RIMS2: variants seen among roughly 807,000 people sequenced by gnomAD.
RIMS2 encodes regulating synaptic membrane exocytosis 2, also known as regulating synaptic membrane exocytosis protein 2.
Under a neutral mutation model 174.4 loss-of-function variants are expected in RIMS2, and 59 were observed. The ratio of observed to expected loss-of-function variants is 0.34; its 90% CI spans 0.27 to 0.42. The LOEUF is 0.42. Ranked by LOEUF, RIMS2 falls within the 10% of genes least tolerant of loss-of-function variation. RIMS2 has a pLI of 1.00. For missense variants in RIMS2, 1,620 were observed against 1,666.3 expected, an observed-to-expected ratio of 0.97 and a Z score of 0.48; for synonymous variants, 606 against 572.5, an observed-to-expected ratio of 1.06 and a Z score of -0.84.
At chr8:104,217,934 T>A (rs934243388) in intron 19 of RIMS2, among the ~76,000 whole-genome samples, 5 of 152,158 alleles carry the variant, frequency 3.3e-5, no homozygotes, top group African/African-American at 9.7e-5. Context: ...TAATTTAGGA[T>A]CCTGAGGGTT....
intron 19 of RIMS2, among the ~76,000 whole-genome samples, chr8:104,174,229 G>A (rs993852572): frequency 6.6e-6 from 1 of 152,118 alleles, no homozygotes; most frequent in African/African-American, 2.4e-5. Context: ...TTACAGGCGT[G>A]AGCCGCTGCA....
intron 3 of RIMS2, among the ~76,000 whole-genome samples, chr8:103,821,657 G>A (rs927224993): frequency 1.9e-4 from 29 of 151,452 alleles, no homozygotes; most frequent in Admixed American, 1.9e-3. Context: ...GTTATTTTTT[G>A]TGTTCACTTT....
intron 1 of RIMS2, among the ~76,000 whole-genome samples, chr8:103,628,095 G>A (rs1589310333): frequency 6.6e-6 from 1 of 151,964 alleles, no homozygotes; most frequent in South Asian, 2.1e-4. Flanking sequence ...TAGCAAATTA[G>A]GTACTTTATA....
At chr8:104,146,436 T>C (rs2098640606) in intron 19 of RIMS2, among the ~76,000 whole-genome samples, 1 of 152,034 alleles carries the variant, frequency 6.6e-6, no homozygotes, top group African/African-American at 2.4e-5. Context: ...TTTATTAAAG[T>C]TGTTAGGTTG....
chr8:104,189,325 A>G (rs769623571), intron 19 of RIMS2, among the ~76,000 whole-genome samples: 17 of 151,902 alleles, frequency 1.1e-4, no homozygotes, highest in Non-Finnish European at 2.1e-4. Flanking sequence ...CTACAAACAC[A>G]GGTCTCTGAT....
At chr8:103,612,982 C>G (rs923894346) in intron 1 of RIMS2, among the ~76,000 whole-genome samples, 2 of 152,178 alleles carry the variant, frequency 1.3e-5, no homozygotes, top group South Asian at 2.1e-4. Context: ...GCTACGACCA[C>G]TGATACTGCT....
At chr8:104,196,918 AT>A (rs1244579019) in intron 19 of RIMS2, among the ~76,000 whole-genome samples, 3 of 152,156 alleles carry the variant, frequency 2.0e-5, no homozygotes, top group African/African-American at 7.2e-5. Context: ...CTTACATTTA[AT>A]TTACTTAGTT....
At chr8:103,894,803 A>G (rs1175057854) in intron 4 of RIMS2, among the ~76,000 whole-genome samples, 1 of 151,590 alleles carries the variant, frequency 6.6e-6, no homozygotes, top group African/African-American at 2.4e-5. Flanking sequence ...AGACCTACAT[A>G]ATAGCTTCAA....
chr8:103,813,614 C>T (rs1455646910), intron 3 of RIMS2, among the ~76,000 whole-genome samples: 2 of 152,094 alleles, frequency 1.3e-5, no homozygotes, highest in African/African-American at 2.4e-5. Flanking sequence ...CAAGTGCTCT[C>T]GTTGTTCAAG....
chr8:103,662,247 T>G (rs1362556254), intron 1 of RIMS2, among the ~76,000 whole-genome samples: 1 of 152,218 alleles, frequency 6.6e-6, no homozygotes, highest in Non-Finnish European at 1.5e-5. Context: ...GTGTAAGCTA[T>G]GTGCCTCTTA....
chr8:104,214,935 T>C (rs2099123233), intron 19 of RIMS2, among the ~76,000 whole-genome samples: 1 of 152,218 alleles, frequency 6.6e-6, no homozygotes, highest in Admixed American at 6.5e-5. Context: ...CTGTATAACA[T>C]GAATGTTTTC....
chr8:104,016,986 C>G (rs1349932872), intron 19 of RIMS2, among the ~76,000 whole-genome samples: 1 of 151,760 alleles, frequency 6.6e-6, no homozygotes, highest in Non-Finnish European at 1.5e-5. Context: ...TTTCATAAAA[C>G]AAAGAGGAGC....
downstream of RIMS2, chr8:104,252,197 G>C: frequency 4.3e-6 from 1 of 230,916 alleles, no homozygotes; most frequent in Non-Finnish European, 8.6e-6. Context: ...GCCCTGATAT[G>C]CCACAGAAAT....
At position 103,573,066 on chromosome 8, in the gene RIMS2, A is replaced by T. The variant is rs545455314; in HGVS notation, c.176+72004A>T. On this transcript the variant is annotated intron_variant, in intron 1 of 23. Coordinates refer to ENST00000504942, the Ensembl canonical transcript of RIMS2. ...CCCCTACATTTAAGTCTTCAATCCA[A>T]TTTTTTTTTTCTAGATAGAGTCTCG... Among the ~76,000 whole-genome samples the T allele has an allele frequency of 1.8e-3, 262 of 149,606 alleles. 1 individual carries two copies. Among genetic ancestry groups the T allele is most frequent in the African/African-American group, 6.1e-3 (251 of 40,820 alleles).
intron 19 of RIMS2, among the ~76,000 whole-genome samples, chr8:104,164,078 C>T (rs1287632854): frequency 2.0e-5 from 3 of 152,144 alleles, no homozygotes; most frequent in African/African-American, 7.2e-5. Context: ...AGCGGCCACC[C>T]ACCTTTATCA....
chr8:103,628,617 G>T (rs28494061), intron 1 of RIMS2, among the ~76,000 whole-genome samples: 27,616 of 151,626 alleles, frequency 0.18, 2,765 homozygotes, highest in African/African-American at 0.26. Context: ...GCGTCCCATG[G>T]CTTGGACTCC....
chr8:103,716,251 CT>C (rs1226537053), intron 2 of RIMS2, 57 bp from the exon 5 acceptor site: 1 of 151,798 alleles, frequency 6.6e-6, no homozygotes, highest in Admixed American at 6.6e-5. Flanking sequence ...TTAATTATTT[CT>C]TTTTTGTTTT....
At chr8:103,970,397 G>A (rs1401860398) in intron 15 of RIMS2, among the ~76,000 whole-genome samples, 1 of 152,178 alleles carries the variant, frequency 6.6e-6, no homozygotes, top group Non-Finnish European at 1.5e-5. Context: ...GGAAAGTCTT[G>A]TTAAGAAAAG....
chr8:103,811,357 A>G (rs531955935), intron 3 of RIMS2, among the ~76,000 whole-genome samples: 2 of 152,286 alleles, frequency 1.3e-5, no homozygotes, highest in East Asian at 3.9e-4. Flanking sequence ...GTGGAGCTTA[A>G]ATCTAGGTTT....
Sources: allele counts gnomAD v4.1 joint callset (sites outside exome capture counted in the v4.1 genomes callset), GRCh38; gene constraint gnomAD v4.1.1; transcripts MANE v1.5; gene names NCBI Gene and HGNC (gene_info 2026-07-23, HGNC 2026-07-21).